MINPP1: variants seen among roughly 807,000 people sequenced by gnomAD.
MINPP1 encodes the protein multiple inositol polyphosphate phosphatase 1.
Under a neutral mutation model 46.1 loss-of-function variants are expected in MINPP1, and 28 were observed. The observed-to-expected ratio is 0.61, with a 90% CI of 0.45 to 0.83. MINPP1 has a LOEUF of 0.83. Among genes scored for constraint, MINPP1 ranks in the 40% least tolerant of loss-of-function variants. The probability of loss-of-function intolerance (pLI) is 0.00; values close to 1 mark genes in which losing one functional copy is unlikely to be tolerated. For missense variants in MINPP1, 603 were observed against 610.0 expected (o/e 0.99, Z 0.12); for synonymous variants, 268 against 249.1 (o/e 1.08, Z -0.72).
chr10:87,537,000 G>A (rs1292776094), intron 4 of MINPP1, among the ~76,000 whole-genome samples: 2 of 151,964 alleles, frequency 1.3e-5, no homozygotes, highest in Non-Finnish European at 2.9e-5. Context: ...GCAGCGGCAC[G>A]ATCTTGGCTC....
At chr10:87,517,476 C>T (rs1008010641) in intron 3 of MINPP1, among the ~76,000 whole-genome samples, 2 of 151,550 alleles carry the variant, frequency 1.3e-5, no homozygotes, top group South Asian at 2.1e-4. Flanking sequence ...TTATATTTGT[C>T]GAAAGTCATC....
rs950240870 is a variant in MINPP1 at position 87,511,030 on chromosome 10, A to G, written c.836-2094A>G. ...AGCTTTAATTTGCAGTTCTTTGATT[A>G]CTTCTGAAAGTGAACATATTTTCAT... On this transcript the variant is annotated intron_variant, in intron 2 of 4. Transcript: ENST00000371996. Among the ~76,000 whole-genome samples the G allele has an allele frequency of 4.2e-4, 64 of 152,302 alleles. 1 individual carries two copies. Among genetic ancestry groups the G allele is most frequent in the African/African-American group, 1.4e-3 (60 of 41,574 alleles).
chr10:87,509,772 A>G (rs1451297303), intron 2 of MINPP1: 1 of 291,846 alleles, frequency 3.4e-6, no homozygotes, highest in Non-Finnish European at 7.1e-6. Flanking sequence ...TTCTATTTTT[A>G]TGCAACTTTT....
rs982405368 is a variant in MINPP1 at position 87,552,692 on chromosome 10, A to G, written c.*214A>G. 2 of 536,748 alleles carry G rather than the reference A, an allele frequency of 3.7e-6. No individual in the cohort carries two copies. Among genetic ancestry groups the G allele is most frequent in the Admixed American group, 3.4e-5 (1 of 29,520 alleles). The allele number at this position is 536,748 out of a possible 1,614,324, so 33.2% of individuals were successfully genotyped here. ...AGCTCTCTTAAGGAGAAACAAATCT[A>G]TTTAGAGAAACAGCTGGCCCTGCAA... On this transcript the variant is annotated 3_prime_UTR_variant, in exon 5 of 5. Coordinates refer to ENST00000371996, the MANE Select transcript of MINPP1 (RefSeq NM_004897.5).
intron 4 of MINPP1, among the ~76,000 whole-genome samples, chr10:87,530,534 G>A (rs186184830): frequency 3.1e-3 from 475 of 152,252 alleles, no homozygotes; most frequent in Non-Finnish European, 5.7e-3. Flanking sequence ...AGCAAATATT[G>A]CAGAATGGCA....
intron 4 of MINPP1, among the ~76,000 whole-genome samples, chr10:87,537,862 C>T (rs1851760158): frequency 6.6e-6 from 1 of 151,968 alleles, no homozygotes; most frequent in Non-Finnish European, 1.5e-5. Context: ...CTCAACCTCC[C>T]AGGCTCAGGC....
chr10:87,505,472 G>A lies in MINPP1; in HGVS notation c.557G>A (p.Arg186His). 1.2e-6 allele frequency: 2 copies of A among 1,613,130 alleles called. No homozygotes were observed. Among genetic ancestry groups the A allele is most frequent in the Non-Finnish European group, 1.7e-6 (2 of 1,179,598 alleles). ...CGGCTCATCACCAGTTCCAAGCACC[G>A]CTGCATGGATAGCAGCGCCGCCTTC... Reference protein sequence around the residue: ...RLRLITSSKHRCMDSSAAFLQ... With the variant: ...RLRLITSSKHHCMDSSAAFLQ... Residue 186 changes from arginine to histidine, a missense_variant, in exon 1 of 5, where the codon CGC becomes CAC. Physicochemically the swap from Arg to His is conservative, Grantham distance 29. Coordinates refer to ENST00000371996, the MANE Select transcript of MINPP1 (RefSeq NM_004897.5). This position sits in a 1 kb window ranked among gnomAD's most constrained non-coding sequence, Gnocchi z 4.4.
At chr10:87,510,541 G>A (rs977506223) in intron 2 of MINPP1, among the ~76,000 whole-genome samples, 2 of 152,164 alleles carry the variant, frequency 1.3e-5, no homozygotes, top group Non-Finnish European at 2.9e-5. Flanking sequence ...ACTCTTTCAG[G>A]TAATGCTACA....
At chr10:87,519,316 G>C (rs1851460623) in intron 3 of MINPP1, among the ~76,000 whole-genome samples, 1 of 152,182 alleles carries the variant, frequency 6.6e-6, no homozygotes, top group Non-Finnish European at 1.5e-5. Context: ...GGCCACTCAG[G>C]TTTGCCAGCT....
At chr10:87,508,772 GT>G (rs942370754) in intron 2 of MINPP1, among the ~76,000 whole-genome samples, 25 of 152,060 alleles carry the variant, frequency 1.6e-4, no homozygotes, top group Non-Finnish European at 2.9e-4. Flanking sequence ...ATATTCTGGA[GT>G]TTTTTTGAGG....
At chr10:87,544,521 C>T (rs1022769412) in intron 4 of MINPP1, among the ~76,000 whole-genome samples, 1 of 152,202 alleles carries the variant, frequency 6.6e-6, no homozygotes, top group Non-Finnish European at 1.5e-5. Context: ...ACCCTGTAAT[C>T]ATGCCTTTGC....
intron 4 of MINPP1, among the ~76,000 whole-genome samples, chr10:87,528,512 A>C (rs1213121121): frequency 1.3e-5 from 2 of 152,124 alleles, no homozygotes; most frequent in East Asian, 1.9e-4. Context: ...CATGTAGTTG[A>C]GCGGTTTTGA....
intron 4 of MINPP1, among the ~76,000 whole-genome samples, chr10:87,525,241 G>A (rs901016579): frequency 6.6e-6 from 1 of 152,102 alleles, no homozygotes; most frequent in Non-Finnish European, 1.5e-5. Flanking sequence ...CATTTTCATC[G>A]CCTCAAAAAG....
intron 4 of MINPP1, among the ~76,000 whole-genome samples, chr10:87,549,478 ATTGT>A (rs1022335378): frequency 1.3e-5 from 2 of 152,144 alleles, no homozygotes; most frequent in African/African-American, 2.4e-5. Context: ...GCAACATGTG[ATTGT>A]TTGGTGCTTA....
intron 4 of MINPP1, among the ~76,000 whole-genome samples, chr10:87,526,090 G>C (rs1226140368): frequency 2.6e-5 from 4 of 152,146 alleles, no homozygotes; most frequent in Non-Finnish European, 4.4e-5. Flanking sequence ...ATGGCTGGGT[G>C]AAATGGTATT....
intron 4 of MINPP1, among the ~76,000 whole-genome samples, chr10:87,536,051 A>G (rs1199749380): frequency 1.3e-5 from 2 of 152,262 alleles, no homozygotes; most frequent in Non-Finnish European, 2.9e-5. Flanking sequence ...TAATTAGAAC[A>G]TAGACAAGTA....
chr10:87,525,316 A>G (rs573101105), intron 4 of MINPP1, among the ~76,000 whole-genome samples: 1 of 152,322 alleles, frequency 6.6e-6, no homozygotes, highest in East Asian at 1.9e-4. Context: ...TCCCCTGGCA[A>G]CCACTAATAT....
intron 4 of MINPP1, among the ~76,000 whole-genome samples, chr10:87,526,880 G>C (rs562621172): frequency 6.6e-6 from 1 of 152,002 alleles, no homozygotes; most frequent in Non-Finnish European, 1.5e-5. Flanking sequence ...ATTTCTGAGG[G>C]CTCTGTTCTG....
At chr10:87,515,932 A>G (rs1233145395) in intron 3 of MINPP1, among the ~76,000 whole-genome samples, 1 of 149,550 alleles carries the variant, frequency 6.7e-6, no homozygotes, top group East Asian at 2.0e-4. Flanking sequence ...GCGTTCAAGC[A>G]GTCCTCCTGC....
Sources: allele counts gnomAD v4.1 joint callset (sites outside exome capture counted in the v4.1 genomes callset), GRCh38; gene constraint gnomAD v4.1.1; non-coding constraint Gnocchi (gnomAD v3.1); transcripts MANE v1.5; gene names NCBI Gene and HGNC (gene_info 2026-07-23, HGNC 2026-07-21).